Variants in SCN10A observed in about 807,000 individuals in gnomAD.
SCN10A encodes sodium voltage-gated channel alpha subunit 10, also known as sodium channel protein type 10 subunit alpha.
SCN10A carries 162 observed loss-of-function variants against 170.7 expected under a neutral mutation model. The observed-to-expected ratio is 0.95, with a 90% CI of 0.84 to 1.08. The LOEUF (loss-of-function observed/expected upper bound fraction) is 1.08. Among genes scored for constraint, SCN10A ranks in the 50% least tolerant of loss-of-function variants. SCN10A has a pLI of 0.00. For synonymous variants in SCN10A, 985 were observed against 904.6 expected (o/e 1.09, Z -1.59); for missense variants, 2,527 against 2,436.9 (o/e 1.04, Z -0.78).
chr3:38,722,534 C>A (rs1324516051), intron 19 of SCN10A, 122 bp from the exon 20 acceptor site: 27 of 1,189,594 alleles, frequency 2.3e-5, no homozygotes, highest in Non-Finnish European at 2.9e-5. Context: ...GAAAAAAATT[C>A]TTTCCTGGAA....
intron 26 of SCN10A, among the ~76,000 whole-genome samples, chr3:38,704,116 C>T (rs1264224139): frequency 2.0e-5 from 3 of 152,192 alleles, no homozygotes; most frequent in African/African-American, 7.2e-5. Flanking sequence ...CCTGTCTGAT[C>T]CCTTCCAGGG....
At chr3:38,707,499 C>A (rs922253247) in intron 25 of SCN10A, 116 bp from the exon 26 acceptor site, 4 of 1,007,234 alleles carry the variant, frequency 4.0e-6, no homozygotes, top group Non-Finnish European at 6.0e-6. Flanking sequence ...TGCAGATAGA[C>A]AAACCAAGCC....
intron 4 of SCN10A, among the ~76,000 whole-genome samples, chr3:38,778,558 T>C (rs534270052): frequency 3.9e-4 from 60 of 152,092 alleles, no homozygotes; most frequent in Admixed American, 3.9e-3. Context: ...CAGGTAATTG[T>C]GCAAAGCTAA....
At chr3:38,718,076 G>A (rs914276957) in intron 21 of SCN10A, among the ~76,000 whole-genome samples, 2 of 152,212 alleles carry the variant, frequency 1.3e-5, no homozygotes, top group Non-Finnish European at 2.9e-5. Flanking sequence ...GGAGGAGGCA[G>A]CAGTATAAGC....
chr3:38,732,418 A>G (rs1208630261), intron 15 of SCN10A, among the ~76,000 whole-genome samples: 2 of 152,212 alleles, frequency 1.3e-5, no homozygotes, highest in African/African-American at 4.8e-5. Context: ...CTTGAAGTAG[A>G]CACTCCCAGG....
At chr3:38,742,803 G>T (rs1301451892) in intron 13 of SCN10A, among the ~76,000 whole-genome samples, 1 of 152,076 alleles carries the variant, frequency 6.6e-6, no homozygotes, top group East Asian at 1.9e-4. Flanking sequence ...TTCTCAATTT[G>T]CCCAGCTTAG....
rs2063754080 is a variant in SCN10A, at chr3:38,752,200, G to A, written c.1755+19C>T. The A allele has an allele frequency of 2.7e-6, 4 of 1,497,482 alleles. No homozygotes were observed. The highest frequency in any genetic ancestry group is 1.4e-5 in the South Asian group (1 of 72,598). The allele number at this position is 1,497,482 out of a possible 1,614,324, so 92.8% of individuals were successfully genotyped here. A position where few individuals can be genotyped will look rare whatever the true frequency, so the allele number is the denominator to read the frequency against. On this transcript the variant is annotated intron_variant, in intron 12 of 27. Transcript: ENST00000449082. ...GGTGGAAGACAGCCTGAGGGAGTCT[G>A]AAGCATTCACAAACTCACCGAGACA...
intron 15 of SCN10A, among the ~76,000 whole-genome samples, chr3:38,736,557 T>G (rs1427457864): frequency 2.6e-5 from 4 of 152,052 alleles, no homozygotes; most frequent in Non-Finnish European, 4.4e-5. Context: ...ACAGCTCAGG[T>G]GCAGACAAGG....
At chr3:38,737,160 C>G (rs190272533) in intron 15 of SCN10A, among the ~76,000 whole-genome samples, 380 of 150,540 alleles carry the variant, frequency 2.5e-3, no homozygotes, top group Non-Finnish European at 3.7e-3. Context: ...TTAGTAGAGA[C>G]GGGGTTTCAC....
At chr3:38,732,885 G>A (rs1012119830) in intron 15 of SCN10A, among the ~76,000 whole-genome samples, 6 of 152,166 alleles carry the variant, frequency 3.9e-5, no homozygotes, top group African/African-American at 4.8e-5. Flanking sequence ...GAGCCTTGAC[G>A]ATTTAGGGAA....
At chr3:38,766,549 G>T (rs1268283920) in intron 5 of SCN10A, among the ~76,000 whole-genome samples, 1 of 152,044 alleles carries the variant, frequency 6.6e-6, no homozygotes, top group Non-Finnish European at 1.5e-5. Flanking sequence ...ATTGACTTGT[G>T]TATGTTAAAT....
rs749000689 is a variant in SCN10A, at chr3:38,728,699, G to A, written c.2483C>T (p.Pro828Leu). The A allele has an allele frequency of 1.8e-5, 29 of 1,614,020 alleles. No homozygotes were observed. In the Admixed American group the frequency reaches 4.3e-4, roughly 24 times the overall value. ...GAAGAAGTCGTGCATGTGCCAGCGG[G>A]GCCAGTCTTCATGGGGCGCGGAGAT... ...KNISAPHEDW[P>L]RWHMHDFFHS... The change falls in exon 16 of 28, where the codon CCC becomes CTC. Residue 828 changes from proline (P) to leucine (L), a missense_variant. Coordinates refer to ENST00000449082, the MANE Select transcript of SCN10A (RefSeq NM_006514.4).
chr3:38,728,853 T>C lies in SCN10A; in HGVS notation c.2329A>G (p.Ile777Val). 6.2e-7 allele frequency: 1 copy of C among 1,614,124 alleles called. No individual in the cohort carries two copies. Residue 777 changes from isoleucine to valine, a missense_variant, in exon 16 of 28, where the codon ATC becomes GTC. By Grantham distance (29) the Ile-to-Val change is conservative. Coordinates refer to ENST00000449082, the MANE Select transcript of SCN10A (RefSeq NM_006514.4). ...AKSWPTLNTLIKIIGNSVGAL... is the reference protein window; with the variant it reads ...AKSWPTLNTLVKIIGNSVGAL... ...CCCACTGAGTTTCCGATGATCTTGA[T>C]GAGTGTGTTTAAGGTGGGCCAGGAT...
chr3:38,737,262 G>T (rs775428073), intron 15 of SCN10A, among the ~76,000 whole-genome samples: 1 of 152,052 alleles, frequency 6.6e-6, no homozygotes, highest in Non-Finnish European at 1.5e-5. Flanking sequence ...GAGCCACCGC[G>T]CCCAGCCTCG....
chr3:38,710,319 C>T (rs1280127353), intron 24 of SCN10A, among the ~76,000 whole-genome samples: 1 of 152,106 alleles, frequency 6.6e-6, no homozygotes, highest in Non-Finnish European at 1.5e-5. Context: ...GCCGCCATGC[C>T]CTGCTAATTT....
At position 38,760,678 on chromosome 3, in the gene SCN10A, C is replaced by T. The variant is rs2063859115; in HGVS notation, c.950+3G>A. On this transcript the variant is annotated splice_donor_region_variant and intron_variant, in intron 8 of 27. Transcript: ENST00000449082. Reference sequence around the variant, plus strand: ...CGTGCTTTGTCATAAGTTGGGAACTCACCCTGAGTCAGATCCATTGCCACA... The same window carrying T: ...CGTGCTTTGTCATAAGTTGGGAACTTACCCTGAGTCAGATCCATTGCCACA... 1 of 1,612,624 alleles carries T rather than the reference C, an allele frequency of 6.2e-7. No homozygotes were observed. Among genetic ancestry groups the T allele is most frequent in the Admixed American group, 1.7e-5 (1 of 60,006 alleles).
chr3:38,757,448 G>A (rs997518550), intron 8 of SCN10A, among the ~76,000 whole-genome samples: 2 of 152,176 alleles, frequency 1.3e-5, no homozygotes, highest in South Asian at 2.1e-4. Context: ...GTTCATACCA[G>A]GGAAATGAGA....
chr3:38,742,382 G>A lies in SCN10A; in HGVS notation c.2015C>T (p.Thr672Ile), dbSNP rs759953813. ...VTDPFAELTITLCIVVNTIFM... is the reference protein window; with the variant it reads ...VTDPFAELTIILCIVVNTIFM... ...GATGGTGTTCACCACGATGCACAAG[G>A]TGATGGTGAGCTCTGCAAAGGGATC... Residue 672 changes from threonine to isoleucine, a missense_variant, in exon 14 of 28, where the codon ACC becomes ATC. Transcript: ENST00000449082. 8 of 1,614,076 alleles carry A rather than the reference G, an allele frequency of 5.0e-6. No individual in the cohort carries two copies. The East Asian group carries it at 1.8e-4, about 36-fold the overall frequency.
At chr3:38,740,006 G>T (rs185745985) in intron 14 of SCN10A, among the ~76,000 whole-genome samples, 10 of 152,182 alleles carry the variant, frequency 6.6e-5, no homozygotes, top group Admixed American at 5.9e-4. Context: ...GTCTGGTTCA[G>T]TAGTTAAAAC....
Sources: gnomAD v4.1 joint callset for allele counts (sites outside exome capture counted in the v4.1 genomes callset) on GRCh38, gnomAD v4.1.1 for gene constraint, MANE v1.5 for transcripts, NCBI Gene and HGNC (gene_info 2026-07-23, HGNC 2026-07-21) for gene names.